Variants in EEF1D observed in about 807,000 individuals in gnomAD.
EEF1D encodes the protein eukaryotic translation elongation factor 1 delta, also known as elongation factor 1-delta.
EEF1D carries 47 observed loss-of-function variants against 63.9 expected under a neutral mutation model. The observed-to-expected ratio is 0.74, with a 90% CI of 0.58 to 0.94. The LOEUF (loss-of-function observed/expected upper bound fraction) is 0.94, where lower values mean the gene tolerates loss of function less well. EEF1D is among the 40% of genes least tolerant of loss of function. The pLI is 0.00. For synonymous variants in EEF1D, 412 were observed against 386.1 expected (o/e 1.07, Z -0.79); for missense variants, 907 against 899.0 (o/e 1.01, Z -0.11).
chr8:143,594,003 T>TTG, intron 1 of EEF1D: 7 of 786,680 alleles, frequency 8.9e-6, no homozygotes, highest in Non-Finnish European at 1.1e-5. Flanking sequence ...CAGCGACTCT[T>TTG]TCAACTGCGT....
chr8:143,595,425 C>T (rs1399531521), intron 1 of EEF1D, among the ~76,000 whole-genome samples: 1 of 152,000 alleles, frequency 6.6e-6, no homozygotes, highest in Non-Finnish European at 1.5e-5. Flanking sequence ...AGGATGGTCT[C>T]GATATCCTGA....
At position 143,580,839 on chromosome 8, in the gene EEF1D, CCT is replaced by C. The variant is rs1334909057; in HGVS notation, c.1489-114_1489-113del. On this transcript the variant is annotated intron_variant, in intron 7 of 9. Transcript: ENST00000618139. The stretch of plus-strand genomic sequence containing the variant: ...TCCTTTGACTGGAGGAAGGGCAGCC[CCT>C]GTGTACCGCAGCTGTGTACATGCAG... The C allele has an allele frequency of 5.3e-6, 7 of 1,315,726 alleles. No homozygotes were observed. In the East Asian group the frequency reaches 1.6e-4, roughly 30 times the overall value. The allele number at this position is 1,315,726 out of a possible 1,614,324, so 81.5% of individuals were successfully genotyped here. A position where few individuals can be genotyped will look rare whatever the true frequency, so the allele number is the denominator to read the frequency against.
At chr8:143,586,147 A>G in intron 5 of EEF1D, 72 bp downstream of exon 5, 1 of 1,439,984 alleles carries the variant, frequency 6.9e-7, no homozygotes, top group Non-Finnish European at 9.6e-7. Flanking sequence ...AACAACCAGC[A>G]GCATCAGGAA....
At chr8:143,590,372 A>G (rs1274147395) in intron 2 of EEF1D, 3 of 626,000 alleles carry the variant, frequency 4.8e-6, no homozygotes, top group Non-Finnish European at 8.2e-6. Flanking sequence ...TGAACAATAT[A>G]TAATTTTGTT....
intron 7 of EEF1D, 146 bp downstream of exon 7, chr8:143,580,908 T>A: frequency 2.6e-6 from 3 of 1,147,796 alleles, no homozygotes; most frequent in Non-Finnish European, 3.8e-6. Flanking sequence ...TGCCCAGGGC[T>A]AACTGTAAAC....
chr8:143,591,782 G>A (rs1343457039), intron 2 of EEF1D, among the ~76,000 whole-genome samples: 2 of 152,358 alleles, frequency 1.3e-5, no homozygotes, highest in African/African-American at 2.4e-5. Context: ...ATGGGTCTTC[G>A]CCCCTCTTCT....
chr8:143,589,782 G>A lies in EEF1D; in HGVS notation c.300C>T (p.Asp100=), dbSNP rs745664828. 1 of 1,569,446 alleles carries A rather than the reference G, an allele frequency of 6.4e-7. No homozygotes were observed. Among genetic ancestry groups the A allele is most frequent in the Non-Finnish European group, 8.6e-7 (1 of 1,159,314 alleles). ...RSPKSGLGPA[D]LALLGLSAER... ...CGGCCGAGAGGCCCAGGAGGGCCAG[G>A]TCCGCGGGGCCGAGCCCGCTCTTGG... Residue 100 remains aspartate, a synonymous_variant, in exon 3 of 10, where the codon GAC becomes GAT. Transcript: ENST00000618139.
In EEF1D at chr8:143,580,782, G is replaced by A. The variant is rs762114800; in HGVS notation, c.1489-55C>T. On this transcript the variant is annotated intron_variant, in intron 7 of 9. Coordinates refer to ENST00000618139, the MANE Select transcript of EEF1D (RefSeq NM_001130053.5). ...GCTGAGACGCCCCAACCAGGGCCCA[G>A]AGCTGCCTGGCCACCTCCTGGCCCT... 1.8e-5 allele frequency: 29 copies of A among 1,592,402 alleles called. No homozygotes were observed. The Admixed American group carries it at 3.0e-4, about 16-fold the overall frequency.
intron 1 of EEF1D, among the ~76,000 whole-genome samples, chr8:143,595,576 T>A (rs1246735153): frequency 6.6e-6 from 1 of 152,222 alleles, no homozygotes; most frequent in African/African-American, 2.4e-5. Flanking sequence ...GTCTGACCCC[T>A]GGATATTCCA....
Position 143,589,427 on chromosome 8 carries a change from G to T in EEF1D, c.655C>A (p.Gln219Lys). 6.5e-7 allele frequency: 1 copy of T among 1,529,588 alleles called. No individual in the cohort carries two copies. The highest frequency in any genetic ancestry group is 8.8e-7 in the Non-Finnish European group (1 of 1,132,954). 94.8% of individuals were successfully genotyped at this position (1,529,588 alleles called of 1,614,324 possible). A position where few individuals can be genotyped will look rare whatever the true frequency, so the allele number is the denominator to read the frequency against. ...AHQPSPPVNG[Q>K]PPLGSLQALV... is the part of the protein sequence containing the mutation. ...GCCTGCAGGCTGCCCAGCGGGGGCT[G>T]GCCATTGACCGGTGGGCTGGGCTGG... The change falls in exon 3 of 10, where the codon CAG becomes AAG. Residue 219 changes from glutamine (Q) to lysine (K), a missense_variant. Gln to Lys is a moderately conservative substitution (Grantham distance 53). Transcript: ENST00000618139.
chr8:143,590,290 G>C, intron 2 of EEF1D: 1 of 789,146 alleles, frequency 1.3e-6, no homozygotes, highest in Non-Finnish European at 2.0e-6. Context: ...GTTGTGAAGA[G>C]AAAACAGGCC....
Position 143,590,241 on chromosome 8 carries a change from T to C in EEF1D, c.1-160A>G, listed in dbSNP as rs533596450. On this transcript the variant is annotated intron_variant, in intron 2 of 9. Transcript: ENST00000618139. ...CCAGTGGGGCTTCCATGAGATGACA[T>C]TCGAGGACTTCGAAGTCAAGCCCAT... The C allele has an allele frequency of 1.4e-5, 13 of 962,776 alleles. No individual in the cohort carries two copies. In the Admixed American group the frequency reaches 2.8e-4, roughly 21 times the overall value. The allele number at this position is 962,776 out of a possible 1,614,324, so 59.6% of individuals were successfully genotyped here. A position where few individuals can be genotyped will look rare whatever the true frequency, so the allele number is the denominator to read the frequency against.
intron 4 of EEF1D, 131 bp downstream of exon 4, chr8:143,586,598 C>G (rs1338487362): frequency 7.4e-7 from 1 of 1,359,414 alleles, no homozygotes; most frequent in African/African-American, 1.5e-5. Context: ...AGACCCCACT[C>G]CCAGCACCCA....
chr8:143,586,978 G>A (rs572408416), intron 3 of EEF1D, 126 bp from the exon 4 acceptor site: 99 of 1,353,628 alleles, frequency 7.3e-5, no homozygotes, highest in Non-Finnish European at 9.0e-5. Context: ...TCCACAAAGC[G>A]ACACCAAGCC....
chr8:143,580,170 A>C lies in EEF1D; in HGVS notation c.1747T>G (p.Cys583Gly). 1 of 1,613,682 alleles carries C rather than the reference A, an allele frequency of 6.2e-7. No individual in the cohort carries two copies. The highest frequency in any genetic ancestry group is 8.5e-7 in the Non-Finnish European group (1 of 1,179,970). Reference sequence around the variant, plus strand: ...CCGTCCAGCTGGATAGAGCGCACACAGGCCTCCAGCTGGGCCATGTCCGTC... The same window carrying C: ...CCGTCCAGCTGGATAGAGCGCACACCGGCCTCCAGCTGGGCCATGTCCGTC... Reference protein sequence around the residue: ...DETDMAQLEACVRSIQLDGLV... With the variant: ...DETDMAQLEAGVRSIQLDGLV... The change falls in exon 9 of 10, where the codon TGT (cysteine) becomes GGT (glycine). Residue 583 changes from cysteine (C) to glycine (G), a missense_variant. Physicochemically the swap from Cys to Gly is radical, Grantham distance 159 (BLOSUM62 -3). Transcript: ENST00000618139.
At position 143,597,384 on chromosome 8, in the gene EEF1D, T is replaced by A. The variant is rs1829032136; in HGVS notation, c.-51A>T. The A allele has an allele frequency of 6.6e-6, 1 of 151,554 alleles. No homozygotes were observed. The highest frequency in any genetic ancestry group is 2.1e-4 in the South Asian group (1 of 4,794). 9.4% of individuals were successfully genotyped at this position (151,554 alleles called of 1,614,324 possible). On this transcript the variant is annotated 5_prime_UTR_variant, in exon 1 of 10. Coordinates refer to ENST00000618139, the MANE Select transcript of EEF1D (RefSeq NM_001130053.5). Reference sequence around the variant, plus strand: ...GGACGCGGCGACCAAGGAGGAGGAATCGGCGGACGCGGGAAGACTGATGAA... The same window carrying A: ...GGACGCGGCGACCAAGGAGGAGGAAACGGCGGACGCGGGAAGACTGATGAA...
chr8:143,584,036 C>T (rs1233576471), intron 5 of EEF1D: 1 of 152,270 alleles, frequency 6.6e-6, no homozygotes, highest in Admixed American at 6.5e-5. Flanking sequence ...TTGATTTTGC[C>T]CCATAAGATG....
chr8:143,589,865 C>T lies in EEF1D; in HGVS notation c.217G>A (p.Asp73Asn), dbSNP rs112907282. Reference protein sequence around the residue: ...AEAPDGGSRRDPRKSQDSRKP... With the variant: ...AEAPDGGSRRNPRKSQDSRKP... ...CTGCTGTCCTGGCTCTTCCTGGGAT[C>T]ACGCCTGCTGCCGCCGTCAGGGGCT... The change falls in exon 3 of 10, where the codon GAT becomes AAT. Residue 73 changes from aspartate (D) to asparagine (N), a missense_variant. Transcript: ENST00000618139. The T allele has an allele frequency of 0.011, 18,382 of 1,602,020 alleles. 159 individuals are homozygous for T. Among genetic ancestry groups the T allele is most frequent in the Middle Eastern group, 0.015 (88 of 6,026 alleles).
chr8:143,583,720 A>T (rs1484576157), intron 5 of EEF1D: 4 of 148,768 alleles, frequency 2.7e-5, no homozygotes, highest in Admixed American at 2.7e-4. Context: ...GGCAGACAGA[A>T]CAATGGCCCC....
Sources: allele counts gnomAD v4.1 joint callset (sites outside exome capture counted in the v4.1 genomes callset), GRCh38; gene constraint gnomAD v4.1.1; transcripts MANE v1.5; gene names NCBI Gene and HGNC (gene_info 2026-07-23, HGNC 2026-07-21).